Variants in RPS6KC1 observed in about 807,000 individuals in gnomAD.
RPS6KC1 encodes the protein ribosomal protein S6 kinase C1.
In RPS6KC1, 54 loss-of-function variants were observed where a neutral mutation model predicts 103.8. That is an observed-to-expected ratio of 0.52 (90% confidence interval 0.42 to 0.65). RPS6KC1 has a LOEUF of 0.65. Ranked by LOEUF, RPS6KC1 falls within the 30% of genes least tolerant of loss-of-function variation. The pLI, the probability that RPS6KC1 is intolerant of heterozygous loss-of-function variation, is 0.00. For missense variants in RPS6KC1, 1,151 were observed against 1,253.8 expected (o/e 0.92, Z 1.24); for synonymous variants, 439 against 438.7 (o/e 1.00, Z -0.01).
chr1:213,734,926 T>G, the RPS6KC1 span, among the ~76,000 whole-genome samples: 1 of 142,560 alleles, frequency 7.0e-6, no homozygotes. Flanking sequence ...GTTGTTGTTG[T>G]TTGTTGTTGT....
In RPS6KC1 at chr1:213,146,825, A is replaced by G. The variant is rs185208723; in HGVS notation, c.835+16936A>G. ...TTTACGTTCCCACCAACAGTGTACC[A>G]GGGTTCCCTTTTCTTCACATCCTCA... On this transcript the variant is annotated intron_variant, in intron 6 of 14. Transcript: ENST00000366960. 2.6e-4 allele frequency among the ~76,000 whole-genome samples: 40 copies of G among 151,318 alleles called. 3 individuals carry two copies. The highest frequency in any genetic ancestry group is 2.6e-3 in the Admixed American group (37 of 14,494).
the RPS6KC1 span, among the ~76,000 whole-genome samples, chr1:213,541,715 A>G: frequency 4.6e-5 from 7 of 152,186 alleles, no homozygotes; most frequent in African/African-American, 1.4e-4. Flanking sequence ...TGCTGTGTCT[A>G]GTGGGAGAGA....
chr1:213,651,746 G>A, the RPS6KC1 span, among the ~76,000 whole-genome samples: 4 of 152,264 alleles, frequency 2.6e-5, no homozygotes, highest in Admixed American at 2.0e-4. Flanking sequence ...TTCCCTAATA[G>A]CTTTCATTAT....
chr1:213,383,470 G>C, the RPS6KC1 span, among the ~76,000 whole-genome samples: 77,451 of 152,026 alleles, frequency 0.51, 22,448 homozygotes, highest in East Asian at 0.73. Context: ...CCCATTTGCT[G>C]GTTGTGTGCT....
chr1:213,792,641 C>T, the RPS6KC1 span, among the ~76,000 whole-genome samples: 2 of 152,000 alleles, frequency 1.3e-5, no homozygotes, highest in Admixed American at 1.3e-4. Flanking sequence ...ATTACATGGG[C>T]GAGTGGCATA....
chr1:213,228,121 G>A (rs572588027), intron 8 of RPS6KC1, among the ~76,000 whole-genome samples: 1 of 152,172 alleles, frequency 6.6e-6, no homozygotes, highest in Admixed American at 6.5e-5. Context: ...TTGGTGCTGT[G>A]TAAAACAGCA....
chr1:213,681,806 A>G, the RPS6KC1 span, among the ~76,000 whole-genome samples: 33 of 152,200 alleles, frequency 2.2e-4, no homozygotes, highest in African/African-American at 7.7e-4. Context: ...AAAAAAAAAT[A>G]AAAAATTAGA....
chr1:213,622,551 A>G, the RPS6KC1 span, among the ~76,000 whole-genome samples: 1 of 152,070 alleles, frequency 6.6e-6, no homozygotes, highest in Non-Finnish European at 1.5e-5. Context: ...GTGCCCACTC[A>G]GCTGTTTCAC....
chr1:213,347,640 A>G, the RPS6KC1 span, among the ~76,000 whole-genome samples: 1 of 152,192 alleles, frequency 6.6e-6, no homozygotes, highest in Non-Finnish European at 1.5e-5. Flanking sequence ...GGAGTTCAAG[A>G]TTACAGTGAG....
At chr1:213,579,046 A>T in the RPS6KC1 span, among the ~76,000 whole-genome samples, 1 of 151,972 alleles carries the variant, frequency 6.6e-6, no homozygotes, top group South Asian at 2.1e-4. Flanking sequence ...GTGGGAGGTA[A>T]TTGACTTATG....
At chr1:213,799,685 A>G in the RPS6KC1 span, among the ~76,000 whole-genome samples, 1 of 152,198 alleles carries the variant, frequency 6.6e-6, no homozygotes, top group Non-Finnish European at 1.5e-5. Context: ...GTGAACTGAG[A>G]GCAGTCTGAG....
At chr1:213,791,492 G>T in the RPS6KC1 span, among the ~76,000 whole-genome samples, 2 of 152,068 alleles carry the variant, frequency 1.3e-5, no homozygotes, top group Admixed American at 6.5e-5. Flanking sequence ...CCATTAGTCT[G>T]TTCCAATGGG....
At chr1:213,649,805 G>A in the RPS6KC1 span, among the ~76,000 whole-genome samples, 6 of 152,176 alleles carry the variant, frequency 3.9e-5, no homozygotes, top group Admixed American at 1.3e-4. Flanking sequence ...AGTTCAGTGA[G>A]GGAGCAAATG....
chr1:213,815,208 C>T, the RPS6KC1 span, among the ~76,000 whole-genome samples: 10 of 152,270 alleles, frequency 6.6e-5, no homozygotes, highest in East Asian at 1.5e-3. Flanking sequence ...CGTTTACTTC[C>T]CCTTCCACCA....
the RPS6KC1 span, among the ~76,000 whole-genome samples, chr1:213,531,729 C>T: frequency 6.6e-6 from 1 of 152,194 alleles, no homozygotes; most frequent in Admixed American, 6.5e-5. Context: ...CTCAGCATGG[C>T]CTTCTCTTTT....
chr1:213,182,787 GAT>G (rs911138614), intron 8 of RPS6KC1, among the ~76,000 whole-genome samples: 11 of 146,648 alleles, frequency 7.5e-5, no homozygotes, highest in Non-Finnish European at 1.5e-4. Context: ...CGATATATAT[GAT>G]ATATATATTT....
At chr1:213,813,779 G>A in the RPS6KC1 span, among the ~76,000 whole-genome samples, 1 of 152,188 alleles carries the variant, frequency 6.6e-6, no homozygotes, top group Non-Finnish European at 1.5e-5. Context: ...TCTACGAGAG[G>A]AGCAGAGGGG....
At chr1:213,262,372 C>T (rs984377046) in intron 13 of RPS6KC1, among the ~76,000 whole-genome samples, 3 of 152,136 alleles carry the variant, frequency 2.0e-5, no homozygotes, top group African/African-American at 7.2e-5. Context: ...ATTCTAAACT[C>T]TGTAGGGTTT....
the RPS6KC1 span, among the ~76,000 whole-genome samples, chr1:213,797,593 T>C: frequency 6.2e-3 from 945 of 152,258 alleles, 12 homozygotes; most frequent in African/African-American, 0.022. Flanking sequence ...TAAGAAAGGG[T>C]TTGGTACAAC....
Sources: gnomAD v4.1 joint callset for allele counts (sites outside exome capture counted in the v4.1 genomes callset) on GRCh38, gnomAD v4.1.1 for gene constraint, MANE v1.5 for transcripts, NCBI Gene and HGNC (gene_info 2026-07-23, HGNC 2026-07-21) for gene names.